The following NEURL3 variants were observed in gnomAD, a reference collection of about 807,000 sequenced individuals.
The protein encoded by NEURL3 is neuralized E3 ubiquitin protein ligase 3, also known as E3 ubiquitin-protein ligase NEURL3.
NEURL3 carries 19 observed loss-of-function variants against 17.6 expected under a neutral mutation model. The ratio of observed to expected loss-of-function variants is 1.08; its 90% CI spans 0.75 to 1.58. The LOEUF (loss-of-function observed/expected upper bound fraction) is 1.58. Ranked by LOEUF, NEURL3 falls within the 40% of genes most tolerant of loss-of-function variation. NEURL3 has a pLI of 0.00. For synonymous variants in NEURL3, 180 were observed against 161.4 expected (o/e 1.11, Z -0.87); for missense variants, 342 against 379.6 (o/e 0.90, Z 0.82).
chr2:96,506,521 G>A (rs528791113), upstream of NEURL3, among the ~76,000 whole-genome samples: 5 of 152,176 alleles, frequency 3.3e-5, no homozygotes, highest in Admixed American at 6.5e-5. Context: ...CCCCACTTTC[G>A]GGGGCAAGGG....
In NEURL3 at chr2:96,498,360, A is replaced by G. The variant is rs2065465600; in HGVS notation, c.673T>C (p.Tyr225His). Residue 225 changes from tyrosine (Y) to histidine (H), a missense_variant, in exon 4 of 4, where the codon TAC becomes CAC. Coordinates refer to ENST00000451794, the MANE Select transcript of NEURL3 (RefSeq NM_001285485.2). This position sits in a 1 kb window ranked among gnomAD's most constrained non-coding sequence, Gnocchi z 4.4. ...TCGCTGAAGACCCGCCAGGCACAGT[A>G]TCTGCAGAAGTATGTGTGGCCGCAG... The part of the protein sequence containing the change: ...VPCGHTYFCR[Y>H]CAWRVFSDTA... The G allele has an allele frequency of 6.3e-7, 1 of 1,599,464 alleles. No individual in the cohort carries two copies. The highest frequency in any genetic ancestry group is 8.5e-7 in the Non-Finnish European group (1 of 1,179,790).
Position 96,500,454 on chromosome 2 carries a change from C to T in NEURL3, c.499G>A (p.Ala167Thr). The change falls in exon 2 of 4, where the codon GCC becomes ACC. Residue 167 changes from alanine to threonine, a missense_variant. Physicochemically the swap from Ala to Thr is moderately conservative, Grantham distance 58. Transcript: ENST00000451794. ...GTCGCCTCACCCAGCAGCTCGATGG[C>T]CTTAGTGGTCCCATACACGTCCATC... is the stretch of plus-strand genomic sequence containing the variant. ...AVMDVYGTTK[A>T]IELLDPTASR... 1.3e-6 allele frequency: 2 copies of T among 1,597,338 alleles called. No individual in the cohort carries two copies. The highest frequency in any genetic ancestry group is 1.1e-5 in the South Asian group (1 of 90,832).
At chr2:96,499,506 C>A in intron 2 of NEURL3, 57 bp from the exon 3 acceptor site, 1 of 1,499,830 alleles carries the variant, frequency 6.7e-7, no homozygotes, top group Non-Finnish European at 9.2e-7. Flanking sequence ...CCCCCCCATC[C>A]CCGCCCCTGG....
At chr2:96,504,877 C>CAAAAAAAAA (rs1157285400) in intron 1 of NEURL3, among the ~76,000 whole-genome samples, 3 of 55,280 alleles carry the variant, frequency 5.4e-5, no homozygotes, top group Non-Finnish European at 7.3e-5. Flanking sequence ...GACTCCGTCT[C>CAAAAAAAAA]AAAAAAAAAA....
At chr2:96,502,847 C>A (rs2065523348) in intron 1 of NEURL3, among the ~76,000 whole-genome samples, 1 of 152,248 alleles carries the variant, frequency 6.6e-6, no homozygotes, top group Admixed American at 6.5e-5. Context: ...AAGTGGCTAG[C>A]CCCACCCCAC....
At chr2:96,500,974 C>A in intron 1 of NEURL3, 50 bp from the exon 2 acceptor site, 3 of 1,459,100 alleles carry the variant, frequency 2.1e-6, no homozygotes, top group Non-Finnish European at 2.7e-6. Flanking sequence ...CTGGACCCAC[C>A]AGCTCCCCAG....
chr2:96,499,016 G>A (rs572608388), intron 3 of NEURL3, among the ~76,000 whole-genome samples: 5 of 152,242 alleles, frequency 3.3e-5, no homozygotes, highest in East Asian at 1.9e-4. Context: ...GGGCCCAAGC[G>A]ATCCTCCTGC....
chr2:96,500,203 G>A (rs2065487927), intron 2 of NEURL3: 1 of 576,700 alleles, frequency 1.7e-6, no homozygotes, highest in South Asian at 2.1e-5. Context: ...TTGAGTAACA[G>A]ATGGTGTGAG....
rs759074426 is a variant in NEURL3 at position 96,499,340 on chromosome 2, A to G, written c.586+38T>C. On this transcript the variant is annotated intron_variant, in intron 3 of 3. Coordinates refer to ENST00000451794, the MANE Select transcript of NEURL3 (RefSeq NM_001285485.2). Reference sequence around the variant, plus strand: ...TTCTCCCTCCACTCCCAGGTGCTGGATTCCCGGGGAGTCCCTGATTCTTGG... The same window carrying G: ...TTCTCCCTCCACTCCCAGGTGCTGGGTTCCCGGGGAGTCCCTGATTCTTGG... The G allele has an allele frequency of 4.4e-6, 7 of 1,596,378 alleles. No homozygotes were observed. In the South Asian group the frequency reaches 6.6e-5, roughly 15 times the overall value.
chr2:96,505,450 C>G (rs1451354278), upstream of NEURL3: 7 of 675,704 alleles, frequency 1.0e-5, no homozygotes, highest in African/African-American at 1.3e-4. Flanking sequence ...GTTACTATAT[C>G]CAGGGGATTT....
intron 3 of NEURL3, chr2:96,499,041 G>T: frequency 1.7e-6 from 1 of 587,436 alleles, no homozygotes; most frequent in Non-Finnish European, 2.6e-6. Flanking sequence ...GCCTCCCAAA[G>T]TATAGGGATT....
chr2:96,500,960 G>A (rs536882381), intron 1 of NEURL3, 36 bp from the exon 2 acceptor site: 2 of 1,489,480 alleles, frequency 1.3e-6, no homozygotes, highest in Admixed American at 2.2e-5. Flanking sequence ...AGTGCTAACC[G>A]GGTCTGGACC....
At position 96,497,861 on chromosome 2, in the gene NEURL3, AT is replaced by A. The variant is rs533325419; in HGVS notation, c.*382del. On this transcript the variant is annotated 3_prime_UTR_variant, in exon 4 of 4. Transcript: ENST00000451794. ...CCAGCTTCCATGTGGAACTTTATAC[AT>A]TCCTTGCAGATACCTCCTGCTTCAA... The A allele has an allele frequency of 5.5e-6, 1 of 183,054 alleles. No individual in the cohort carries two copies. The highest frequency in any genetic ancestry group is 1.1e-5 in the Non-Finnish European group (1 of 88,334). The allele number at this position is 183,054 out of a possible 1,614,324, so 11.3% of individuals were successfully genotyped here.
rs964321885 is a variant in NEURL3, at chr2:96,500,858, T to C, written c.95A>G (p.Asp32Gly). ...CCTGTGCGCGATGCAGCCACGCGTG[T>C]CCAGACGCACCTGTGCGCCCTTGGC... ...AEAKGAQVRLDTRGCIAHRRT... is the reference protein window; with the variant it reads ...AEAKGAQVRLGTRGCIAHRRT... The change falls in exon 2 of 4, where the codon GAC becomes GGC. Residue 32 changes from aspartate (D) to glycine (G), a missense_variant. Asp to Gly is a moderately conservative substitution (Grantham distance 94, BLOSUM62 -1). Transcript: ENST00000451794. 1.0e-5 allele frequency: 16 copies of C among 1,534,942 alleles called. No homozygotes were observed. In the African/African-American group the frequency reaches 2.2e-4, roughly 21 times the overall value.
Position 96,500,463 on chromosome 2 carries a change from T to C in NEURL3, c.490A>G (p.Thr164Ala). Reference protein sequence around the residue: ...PLWAVMDVYGTTKAIELLDPT... With the variant: ...PLWAVMDVYGATKAIELLDPT... ...CCCAGCAGCTCGATGGCCTTAGTGG[T>C]CCCATACACGTCCATCACGGCCCAG... Residue 164 changes from threonine (T) to alanine (A), a missense_variant, in exon 2 of 4, where the codon ACC (threonine) becomes GCC (alanine). Thr to Ala is a moderately conservative substitution (Grantham distance 58). Coordinates refer to ENST00000451794, the MANE Select transcript of NEURL3 (RefSeq NM_001285485.2). 3 of 1,597,272 alleles carry C rather than the reference T, an allele frequency of 1.9e-6. No homozygotes were observed. The highest frequency in any genetic ancestry group is 2.5e-6 in the Non-Finnish European group (3 of 1,179,214).
In NEURL3 at chr2:96,497,842, T is replaced by C. The variant is rs948935153; in HGVS notation, c.*402A>G. 1 of 169,858 alleles carries C rather than the reference T, an allele frequency of 5.9e-6. No individual in the cohort carries two copies. The highest frequency in any genetic ancestry group is 2.4e-5 in the African/African-American group (1 of 41,874). The allele number at this position is 169,858 out of a possible 1,614,324, so 10.5% of individuals were successfully genotyped here. The stretch of plus-strand genomic sequence containing the variant: ...GGGACTTGTGGGAGGCAACCCAGCT[T>C]CCATGTGGAACTTTATACATTCCTT... On this transcript the variant is annotated 3_prime_UTR_variant, in exon 4 of 4. Transcript: ENST00000451794.
chr2:96,507,129 C>G (rs2104620331), upstream of NEURL3, among the ~76,000 whole-genome samples: 1 of 152,336 alleles, frequency 6.6e-6, no homozygotes, highest in East Asian at 1.9e-4. Flanking sequence ...CCATAAGACC[C>G]ATCCTTACCT....
At chr2:96,499,899 G>A (rs113967430) in intron 2 of NEURL3, 9 of 180,842 alleles carry the variant, frequency 5.0e-5, no homozygotes, top group Non-Finnish European at 9.2e-5. Context: ...GCGGGGAGTG[G>A]ACCACCACCC....
Position 96,500,568 on chromosome 2 carries a change from G to T in NEURL3, c.385C>A (p.Arg129Ser). ...ACCTTGGCGAAGAGGCAGCCGCGGC[G>T]GTCCACCCAGAAGCGGACCAAGTCC... The part of the protein sequence containing the change: ...TGDLVRFWVD[R>S]RGCLFAKVNA... The change falls in exon 2 of 4, where the codon CGC (arginine) becomes AGC (serine). Residue 129 changes from arginine (R) to serine (S), a missense_variant. Arg to Ser is a moderately radical substitution (Grantham distance 110). Coordinates refer to ENST00000451794, the MANE Select transcript of NEURL3 (RefSeq NM_001285485.2). 1.9e-6 allele frequency: 3 copies of T among 1,547,812 alleles called. No homozygotes were observed. The highest frequency in any genetic ancestry group is 2.6e-6 in the Non-Finnish European group (3 of 1,154,850).
Sources: allele counts gnomAD v4.1 joint callset (sites outside exome capture counted in the v4.1 genomes callset), GRCh38; gene constraint gnomAD v4.1.1; non-coding constraint Gnocchi (gnomAD v3.1); transcripts MANE v1.5; gene names NCBI Gene and HGNC (gene_info 2026-07-23, HGNC 2026-07-21).